Variants in TCF12 observed in about 807,000 individuals in gnomAD.
The protein encoded by TCF12 is DNA-binding protein HTF4.
In TCF12, 45 loss-of-function variants were observed where a neutral mutation model predicts 86.0. The ratio of observed to expected loss-of-function variants is 0.52; its 90% CI spans 0.41 to 0.67. TCF12 has a LOEUF of 0.67. Among genes scored for constraint, TCF12 ranks in the 30% least tolerant of loss-of-function variants. The pLI, the probability that TCF12 is intolerant of heterozygous loss-of-function variation, is 0.00. For missense variants in TCF12, 881 were observed against 859.9 expected (o/e 1.02, Z -0.31); for synonymous variants, 330 against 299.6 (o/e 1.10, Z -1.05).
rs775943325 is a variant in TCF12, at chr15:57,263,247, T to C, written c.1718T>C (p.Ile573Thr). 10 of 1,611,148 alleles carry C rather than the reference T, an allele frequency of 6.2e-6. No individual in the cohort carries two copies. Among genetic ancestry groups the C allele is most frequent in the Admixed American group, 3.4e-5 (2 of 59,210 alleles). Residue 573 changes from isoleucine (I) to threonine (T), a missense_variant, in exon 18 of 21, where the codon ATC becomes ACC. Ile to Thr is a moderately conservative substitution (Grantham distance 89). Transcript: ENST00000333725. Reference sequence around the variant, plus strand: ...GATGATGAATCCTCCCAAAAAGATATCAAGGTTTCATCTAGAGGCAGAACA... The same window carrying C: ...GATGATGAATCCTCCCAAAAAGATACCAAGGTTTCATCTAGAGGCAGAACA... ...KSDDESSQKD[I>T]KVSSRGRTSS... is the part of the protein sequence containing the mutation.
chr15:57,034,843 G>T (rs2566854), intron 3 of TCF12, among the ~76,000 whole-genome samples: 1 of 152,236 alleles, frequency 6.6e-6, no homozygotes, highest in African/African-American at 2.4e-5. Context: ...ACTGCCTTTA[G>T]CAAAACAGTG....
At chr15:57,070,377 T>C (rs2069266736) in intron 4 of TCF12, among the ~76,000 whole-genome samples, 1 of 152,178 alleles carries the variant, frequency 6.6e-6, no homozygotes, top group Non-Finnish European at 1.5e-5. Context: ...CCCAACTAGG[T>C]TGAAAATGAA....
chr15:57,155,829 C>G (rs1328682431), intron 5 of TCF12, among the ~76,000 whole-genome samples: 5 of 152,118 alleles, frequency 3.3e-5, no homozygotes, highest in African/African-American at 1.2e-4. Flanking sequence ...TTAGTAGAAC[C>G]TAAATGGGAT....
intron 16 of TCF12, among the ~76,000 whole-genome samples, chr15:57,257,329 C>A (rs1360463503): frequency 1.3e-5 from 2 of 152,042 alleles, no homozygotes; most frequent in African/African-American, 4.8e-5. Flanking sequence ...AGCCAGGATC[C>A]ACTGGTAGTG....
intron 5 of TCF12, among the ~76,000 whole-genome samples, chr15:57,164,977 C>T (rs779042790): frequency 6.6e-6 from 1 of 152,116 alleles, no homozygotes; most frequent in Non-Finnish European, 1.5e-5. Context: ...CACTGCCCCC[C>T]ACCACAGCAA....
intron 3 of TCF12, among the ~76,000 whole-genome samples, chr15:57,056,571 A>G (rs2068046226): frequency 1.3e-5 from 2 of 152,042 alleles, no homozygotes; most frequent in Admixed American, 1.3e-4. Context: ...TCAATCCTCC[A>G]ATGTTAACCT....
At chr15:57,117,336 T>A (rs1342748942) in intron 5 of TCF12, among the ~76,000 whole-genome samples, 1 of 152,162 alleles carries the variant, frequency 6.6e-6, no homozygotes, top group Non-Finnish European at 1.5e-5. Context: ...CCTGGCCTTC[T>A]TAGCATCTTT....
chr15:57,046,039 A>G (rs1423434083), intron 3 of TCF12, among the ~76,000 whole-genome samples: 2 of 152,228 alleles, frequency 1.3e-5, no homozygotes, highest in Non-Finnish European at 2.9e-5. Context: ...TTCTCTAACA[A>G]TAGGAATGAA....
At chr15:57,125,515 T>C in intron 5 of TCF12, among the ~76,000 whole-genome samples, 1 of 152,224 alleles carries the variant, frequency 6.6e-6, no homozygotes, top group Non-Finnish European at 1.5e-5. Context: ...AATAGAAAGT[T>C]ATTACATATT....
chr15:57,215,532 A>G (rs780570849), intron 8 of TCF12, among the ~76,000 whole-genome samples: 3 of 152,140 alleles, frequency 2.0e-5, no homozygotes, highest in African/African-American at 4.8e-5. Flanking sequence ...TTCACTTAGA[A>G]ATAATGTTGA....
intron 6 of TCF12, among the ~76,000 whole-genome samples, chr15:57,191,175 A>G (rs2056960008): frequency 6.6e-6 from 1 of 152,206 alleles, no homozygotes; most frequent in Non-Finnish European, 1.5e-5. Context: ...TGAAAAAAGC[A>G]GGAATGGGCC....
intron 8 of TCF12, among the ~76,000 whole-genome samples, chr15:57,205,020 T>C (rs1221998669): frequency 6.6e-6 from 1 of 152,052 alleles, no homozygotes; most frequent in Non-Finnish European, 1.5e-5. Flanking sequence ...TTATAGGCAA[T>C]TATCCGGCCC....
chr15:57,261,873 T>A (rs2060602382), intron 16 of TCF12, among the ~76,000 whole-genome samples: 2 of 152,120 alleles, frequency 1.3e-5, no homozygotes, highest in South Asian at 2.1e-4. Context: ...TTTCATTTTT[T>A]AAAAAAGGTA....
chr15:57,274,700 T>G (rs912361274), intron 19 of TCF12, among the ~76,000 whole-genome samples: 1 of 152,178 alleles, frequency 6.6e-6, no homozygotes, highest in East Asian at 1.9e-4. Context: ...CCAGGATATC[T>G]TCTATCCTGA....
chr15:57,117,102 CTT>C (rs11333426), intron 5 of TCF12, among the ~76,000 whole-genome samples: 26 of 149,160 alleles, frequency 1.7e-4, no homozygotes, highest in East Asian at 3.9e-4. Flanking sequence ...CTGTTAACAC[CTT>C]TTTTTTTTTC....
intron 3 of TCF12, among the ~76,000 whole-genome samples, chr15:56,940,559 T>C (rs2060700418): frequency 6.7e-6 from 1 of 148,442 alleles, no homozygotes; most frequent in Admixed American, 6.7e-5. Flanking sequence ...TTCCTTTTCC[T>C]CTTCCTCTTC....
At chr15:57,202,304 A>G (rs186458618) in intron 8 of TCF12, among the ~76,000 whole-genome samples, 20 of 152,110 alleles carry the variant, frequency 1.3e-4, no homozygotes, top group African/African-American at 4.8e-4. Context: ...TAAAACTTAA[A>G]TTTATTCTGT....
At position 57,286,900 on chromosome 15, in the gene TCF12, A is replaced by T. The variant is rs1464979937; in HGVS notation, c.*755A>T. 3.3e-6 allele frequency: 1 copy of T among 306,410 alleles called. No individual in the cohort carries two copies. Among genetic ancestry groups the T allele is most frequent in the Non-Finnish European group, 6.4e-6 (1 of 155,732 alleles). The allele number at this position is 306,410 out of a possible 1,614,324, so 19.0% of individuals were successfully genotyped here. Reference sequence around the variant, plus strand: ...CTCCGTGCAGCCCTGTGTGCTTTGCACATTTACCTTACAGTGGTAAGCAGA... The same window carrying T: ...CTCCGTGCAGCCCTGTGTGCTTTGCTCATTTACCTTACAGTGGTAAGCAGA... On this transcript the variant is annotated 3_prime_UTR_variant, in exon 21 of 21. Transcript: ENST00000333725.
chr15:56,957,138 C>A (rs1256358035), intron 3 of TCF12, among the ~76,000 whole-genome samples: 4 of 152,204 alleles, frequency 2.6e-5, no homozygotes, highest in African/African-American at 7.2e-5. Flanking sequence ...AGGCCCTCGC[C>A]AGATTCTGGC....
Sources: allele counts gnomAD v4.1 joint callset (sites outside exome capture counted in the v4.1 genomes callset), GRCh38; gene constraint gnomAD v4.1.1; transcripts MANE v1.5; gene names NCBI Gene and HGNC (gene_info 2026-07-23, HGNC 2026-07-21).